Variants in C4orf50 observed in about 807,000 individuals in gnomAD.
C4orf50 encodes uncharacterized protein C4orf50.
Under a neutral mutation model 77.2 loss-of-function variants are expected in C4orf50, and 80 were observed. That is an observed-to-expected ratio of 1.04 (90% CI 0.87 to 1.25). The LOEUF (loss-of-function observed/expected upper bound fraction) is 1.25. Ranked by LOEUF, C4orf50 falls within the 50% of genes most tolerant of loss-of-function variation. The pLI, the probability that C4orf50 is intolerant of heterozygous loss-of-function variation, is 0.00. For synonymous variants in C4orf50, 532 were observed against 465.3 expected (o/e 1.14, Z -1.84); for missense variants, 1,257 against 1,152.9 (o/e 1.09, Z -1.31).
At chr4:5,964,004 A>C (rs1457191988) in intron 33 of C4orf50, among the ~76,000 whole-genome samples, 1 of 143,094 alleles carries the variant, frequency 7.0e-6, no homozygotes, top group Non-Finnish European at 1.5e-5. Flanking sequence ...AACCTGCAGT[A>C]TGTGCAACTA....
At chr4:5,986,131 A>G (rs1379167759) in intron 28 of C4orf50, among the ~76,000 whole-genome samples, 1 of 152,244 alleles carries the variant, frequency 6.6e-6, no homozygotes, top group Non-Finnish European at 1.5e-5. Flanking sequence ...CAAAGATAGA[A>G]GAGATTTTGT....
At chr4:5,931,028 C>T (rs1368484659) in intron 7 of C4orf50, among the ~76,000 whole-genome samples, 1 of 152,198 alleles carries the variant, frequency 6.6e-6, no homozygotes, top group African/African-American at 2.4e-5. Context: ...GCAAAGCTCA[C>T]ATGAAAGTGG....
chr4:5,921,939 A>C (rs954329082), intron 7 of C4orf50, among the ~76,000 whole-genome samples: 1 of 152,180 alleles, frequency 6.6e-6, no homozygotes, highest in African/African-American at 2.4e-5. Context: ...CACAAAAAGC[A>C]GCAGAGTGTC....
chr4:5,933,837 C>G (rs1007487991), intron 7 of C4orf50, among the ~76,000 whole-genome samples: 1 of 152,078 alleles, frequency 6.6e-6, no homozygotes, highest in Non-Finnish European at 1.5e-5. Flanking sequence ...GTGAAGTCCC[C>G]TCCAAGATAG....
At chr4:5,924,067 G>C (rs950861685) in intron 7 of C4orf50, among the ~76,000 whole-genome samples, 1 of 152,184 alleles carries the variant, frequency 6.6e-6, no homozygotes, top group African/African-American at 2.4e-5. Context: ...TTTGCCAGGG[G>C]CTCTCGGGCC....
chr4:5,975,941 C>G, exon 30 of C4orf50: 1 of 1,613,938 alleles, frequency 6.2e-7, no homozygotes, highest in Non-Finnish European at 8.5e-7. Context: ...GTTGCTTTTT[C>G]TGAAGTTCTT....
intron 31 of C4orf50, among the ~76,000 whole-genome samples, chr4:5,972,168 C>T (rs1165984260): frequency 6.6e-6 from 1 of 151,978 alleles, no homozygotes; most frequent in East Asian, 1.9e-4. Flanking sequence ...CCACGCCTAG[C>T]TAATTTTTGT....
chr4:6,006,363 T>C (rs1722253547), intron 25 of C4orf50, among the ~76,000 whole-genome samples: 1 of 152,194 alleles, frequency 6.6e-6, no homozygotes, highest in South Asian at 2.1e-4. Context: ...GCTGTAGATG[T>C]TTTGTGGGAG....
At chr4:5,986,956 G>A (rs2108787124) in intron 28 of C4orf50, among the ~76,000 whole-genome samples, 1 of 152,210 alleles carries the variant, frequency 6.6e-6, no homozygotes, top group Non-Finnish European at 1.5e-5. Context: ...ATTTTGAACT[G>A]AACAGACTTC....
chr4:5,936,217 A>AT (rs1179539663), intron 7 of C4orf50, among the ~76,000 whole-genome samples: 6 of 151,942 alleles, frequency 3.9e-5, no homozygotes, highest in Non-Finnish European at 5.9e-5. Context: ...GGAAAAAAAA[A>AT]AAATGAGCTT....
At chr4:5,967,899 G>A (rs1719678476) in intron 31 of C4orf50, among the ~76,000 whole-genome samples, 1 of 152,208 alleles carries the variant, frequency 6.6e-6, no homozygotes, top group Non-Finnish European at 1.5e-5. Flanking sequence ...TGTCCTCCTG[G>A]TTCCGCATTG....
chr4:5,990,266 C>T (rs1054969887), exon 28 of C4orf50: 1 of 1,220,030 alleles, frequency 8.2e-7, no homozygotes, highest in African/African-American at 1.6e-5. Flanking sequence ...GCTCCAGCCC[C>T]ATTCTCCAAG....
intron 33 of C4orf50, among the ~76,000 whole-genome samples, chr4:5,963,849 G>A (rs1176273840): frequency 2.0e-5 from 3 of 152,178 alleles, no homozygotes; most frequent in African/African-American, 7.2e-5. Flanking sequence ...TGAAGTACTT[G>A]CCCAACATCA....
At chr4:5,962,155 T>C (rs568507928) in intron 33 of C4orf50, among the ~76,000 whole-genome samples, 9 of 152,354 alleles carry the variant, frequency 5.9e-5, no homozygotes, top group Admixed American at 4.6e-4. Flanking sequence ...CCCCTGTCTC[T>C]GGCTAACTAT....
At chr4:5,929,486 T>G (rs1717665826) in intron 7 of C4orf50, among the ~76,000 whole-genome samples, 1 of 152,248 alleles carries the variant, frequency 6.6e-6, no homozygotes, top group South Asian at 2.1e-4. Context: ...AAATACGCAC[T>G]TTTATAAACC....
intron 28 of C4orf50, among the ~76,000 whole-genome samples, chr4:5,982,700 G>A (rs769307431): frequency 4.6e-5 from 7 of 152,082 alleles, no homozygotes; most frequent in Admixed American, 1.3e-4. Flanking sequence ...TGGTATCATT[G>A]AAGGCAGAGT....
rs1170962029 is a variant in C4orf50, at chr4:6,011,019, G to A, written c.426+811C>T. On this transcript the variant is annotated intron_variant, in intron 24 of 33. Coordinates refer to ENST00000531445, the Ensembl canonical transcript of C4orf50. This position sits in a 1 kb window ranked among gnomAD's most constrained non-coding sequence, Gnocchi z 4.2. ...CCCAAGGTCACACAGCTATCGAGTG[G>A]CAGAGCCAGGGTTTGGCTCCAGGCC... is the stretch of plus-strand genomic sequence containing the variant. Among the ~76,000 whole-genome samples, 1 of 152,146 alleles carries A rather than the reference G, an allele frequency of 6.6e-6. No homozygotes were observed. Among genetic ancestry groups the A allele is most frequent in the Non-Finnish European group, 1.5e-5 (1 of 68,022 alleles).
rs1025400930 is a variant in C4orf50 at position 5,932,283 on chromosome 4, A to G, written c.*2474+24618T>C. Among the ~76,000 whole-genome samples the G allele has an allele frequency of 6.6e-6, 1 of 152,154 alleles. No homozygotes were observed. The highest frequency in any genetic ancestry group is 1.5e-5 in the Non-Finnish European group (1 of 68,032). ...CACTCTTTCCTTGGCCCATTTATGG[A>G]GCACGCACATGAGTAGCGAGGCTGG... On this transcript the variant is annotated intron_variant, in intron 7 of 7. Coordinates refer to the C4orf50 transcript ENST00000324058. This position sits in a 1 kb window ranked among gnomAD's most constrained non-coding sequence, Gnocchi z 4.2.
exon 28 of C4orf50, chr4:5,989,117 G>A (rs1405712863): frequency 3.0e-5 from 46 of 1,535,736 alleles, no homozygotes; most frequent in African/African-American, 8.2e-5. Context: ...TGGTTATCCC[G>A]CTCGAGCCTG....
Sources: gnomAD v4.1 joint callset for allele counts (sites outside exome capture counted in the v4.1 genomes callset) on GRCh38, gnomAD v4.1.1 for gene constraint, Gnocchi (gnomAD v3.1) non-coding constraint, MANE v1.5 for transcripts, NCBI Gene and HGNC (gene_info 2026-07-23, HGNC 2026-07-21) for gene names.